Variants in GPC5 observed in about 807,000 individuals in gnomAD.
GPC5 encodes glypican 5.
GPC5 carries 47 observed loss-of-function variants against 53.9 expected under a neutral mutation model. That is an observed-to-expected ratio of 0.87 (90% confidence interval 0.69 to 1.11). The LOEUF is 1.11. GPC5 is among the 50% of genes most tolerant of loss of function. GPC5 has a pLI of 0.00. For synonymous variants in GPC5, 286 were observed against 263.3 expected, an observed-to-expected ratio of 1.09 and a Z score of -0.84; for missense variants, 748 against 713.1, an observed-to-expected ratio of 1.05 and a Z score of -0.56.
intron 7 of GPC5, among the ~76,000 whole-genome samples, chr13:92,713,790 A>G (rs1054359517): frequency 2.0e-5 from 3 of 152,154 alleles, no homozygotes; most frequent in Middle Eastern, 3.4e-3. Context: ...AGAATGTCTA[A>G]AACAAGAAAA....
intron 7 of GPC5, among the ~76,000 whole-genome samples, chr13:92,738,077 A>C (rs572333184): frequency 2.6e-4 from 40 of 152,064 alleles, no homozygotes; most frequent in Admixed American, 2.5e-3. Context: ...ATATTGTCTT[A>C]AAAGTAGTCT....
intron 7 of GPC5, among the ~76,000 whole-genome samples, chr13:92,360,981 C>G (rs2043561409): frequency 1.3e-5 from 2 of 151,650 alleles, no homozygotes; most frequent in Admixed American, 1.3e-4. Flanking sequence ...TAACAAATGA[C>G]AATTCAAACT....
intron 2 of GPC5, among the ~76,000 whole-genome samples, chr13:91,569,986 A>G (rs2031710697): frequency 6.6e-6 from 1 of 152,204 alleles, no homozygotes; most frequent in African/African-American, 2.4e-5. Context: ...GAAGATAATA[A>G]TGAAAGAATA....
intron 7 of GPC5, among the ~76,000 whole-genome samples, chr13:92,612,872 T>C (rs2139098091): frequency 6.6e-6 from 1 of 152,224 alleles, no homozygotes; most frequent in East Asian, 1.9e-4. Context: ...GGATATGTAA[T>C]TAATGCACAC....
chr13:92,466,925 G>A (rs1264796585), intron 7 of GPC5, among the ~76,000 whole-genome samples: 1 of 152,118 alleles, frequency 6.6e-6, no homozygotes, highest in Non-Finnish European at 1.5e-5. Flanking sequence ...TTTTGATTCA[G>A]TTGAGACAAG....
intron 7 of GPC5, among the ~76,000 whole-genome samples, chr13:92,339,472 A>G (rs1400550142): frequency 6.6e-6 from 1 of 152,122 alleles, no homozygotes; most frequent in African/African-American, 2.4e-5. Flanking sequence ...TGAGAAATAT[A>G]TACAGAGAAT....
chr13:92,733,910 A>G (rs1272036682), intron 7 of GPC5, among the ~76,000 whole-genome samples: 1 of 151,830 alleles, frequency 6.6e-6, no homozygotes, highest in African/African-American at 2.4e-5. Flanking sequence ...TGAAAAAATT[A>G]TTTAATACAT....
chr13:92,402,921 T>G (rs1016570458), intron 7 of GPC5, among the ~76,000 whole-genome samples: 1 of 152,314 alleles, frequency 6.6e-6, no homozygotes, highest in African/African-American at 2.4e-5. Context: ...TATTCCTCAT[T>G]GCGGCAGCAT....
intron 6 of GPC5, among the ~76,000 whole-genome samples, chr13:91,920,926 C>CTTTTTTTTTTTTTTTTTTTTTTTTTT (rs869309251): frequency 3.1e-5 from 1 of 32,158 alleles, no homozygotes; most frequent in Non-Finnish European, 5.7e-5. Context: ...CTCTCTCTCT[C>CTTTTTTTTTTTTTTTTTTTTTTTTTT]TTTTTTTTTT....
At chr13:92,742,049 G>A (rs1889112174) in intron 7 of GPC5, among the ~76,000 whole-genome samples, 2 of 151,842 alleles carry the variant, frequency 1.3e-5, no homozygotes, top group Admixed American at 1.3e-4. Flanking sequence ...AAACATACGT[G>A]TGCATGTGTC....
chr13:92,586,468 G>A lies in GPC5; in HGVS notation c.1562-279814G>A, dbSNP rs117084559. On this transcript the variant is annotated intron_variant, in intron 7 of 7. Transcript: ENST00000377067. ...AATGAAAAGCCTGGAAGCCTAGCAT[G>A]TGAAGTTGGGTTTTTAGCCATGGGT... 4.6e-5 allele frequency among the ~76,000 whole-genome samples: 7 copies of A among 152,360 alleles called. No individual in the cohort carries two copies. In the East Asian group the frequency reaches 1.3e-3, roughly 29 times the overall value.
intron 2 of GPC5, among the ~76,000 whole-genome samples, chr13:91,583,083 G>C (rs1038432307): frequency 3.3e-5 from 5 of 152,100 alleles, no homozygotes; most frequent in Non-Finnish European, 7.4e-5. Flanking sequence ...GATAAAGATA[G>C]CTATAAAGGA....
rs373758437 is a variant in GPC5 at position 92,203,359 on chromosome 13, C to T, written c.1561+58370C>T. Reference sequence around the variant, plus strand: ...GTAGGGACATGGATGAAATTGGAAACCATCATTCTCAGTAAACTATCACAA... The same window carrying T: ...GTAGGGACATGGATGAAATTGGAAATCATCATTCTCAGTAAACTATCACAA... On this transcript the variant is annotated intron_variant, in intron 7 of 7. Coordinates refer to ENST00000377067, the MANE Select transcript of GPC5 (RefSeq NM_004466.6). Among the ~76,000 whole-genome samples, 11 of 146,908 alleles carry T rather than the reference C, an allele frequency of 7.5e-5. No individual in the cohort carries two copies. The South Asian group carries it at 1.1e-3, about 15-fold the overall frequency.
At chr13:92,591,370 A>G (rs556676991) in intron 7 of GPC5, among the ~76,000 whole-genome samples, 1 of 151,852 alleles carries the variant, frequency 6.6e-6, no homozygotes, top group South Asian at 2.1e-4. Context: ...TATCTCATCA[A>G]CTCTAGGGGA....
chr13:92,292,020 A>G (rs540692074), intron 7 of GPC5, among the ~76,000 whole-genome samples: 1 of 152,216 alleles, frequency 6.6e-6, no homozygotes. Context: ...TCTTGAAGTC[A>G]GTGAGACCAA....
chr13:91,809,514 G>A (rs2038276885), intron 5 of GPC5, among the ~76,000 whole-genome samples: 1 of 152,058 alleles, frequency 6.6e-6, no homozygotes. Context: ...GGCCTTGTTG[G>A]TTGTGGCTCT....
chr13:91,862,029 AATG>A (rs944014048), intron 5 of GPC5, among the ~76,000 whole-genome samples: 1 of 152,044 alleles, frequency 6.6e-6, no homozygotes, highest in African/African-American at 2.4e-5. Context: ...CCCACAATAA[AATG>A]ATATCTTTTT....
At chr13:92,286,070 G>A (rs1414756192) in intron 7 of GPC5, among the ~76,000 whole-genome samples, 1 of 152,108 alleles carries the variant, frequency 6.6e-6, no homozygotes, top group African/African-American at 2.4e-5. Flanking sequence ...CAACAAGTGG[G>A]CGAAGGATAT....
At chr13:92,849,287 G>T (rs185792196) in intron 7 of GPC5, among the ~76,000 whole-genome samples, 209 of 151,968 alleles carry the variant, frequency 1.4e-3, no homozygotes, top group African/African-American at 4.8e-3. Flanking sequence ...CTATCCCCTG[G>T]GCCAATGGAA....
Sources: gnomAD v4.1 joint callset for allele counts (sites outside exome capture counted in the v4.1 genomes callset) on GRCh38, gnomAD v4.1.1 for gene constraint, MANE v1.5 for transcripts, NCBI Gene and HGNC (gene_info 2026-07-23, HGNC 2026-07-21) for gene names.